Variants in CCDC91 observed in about 807,000 individuals in gnomAD.
CCDC91 encodes the protein coiled-coil domain containing 91.
In CCDC91, 48 loss-of-function variants were observed where a neutral mutation model predicts 63.2. The observed-to-expected ratio is 0.76, with a 90% CI of 0.60 to 0.97. CCDC91 has a LOEUF of 0.97. CCDC91 is among the 50% of genes least tolerant of loss of function. CCDC91 has a pLI of 0.00. For synonymous variants in CCDC91, 167 were observed against 165.8 expected, an observed-to-expected ratio of 1.01 and a Z score of -0.06; for missense variants, 500 against 494.6, an observed-to-expected ratio of 1.01 and a Z score of -0.10.
chr12:28,519,024 A>G (rs769244362), intron 12 of CCDC91, among the ~76,000 whole-genome samples: 2 of 151,726 alleles, frequency 1.3e-5, no homozygotes, highest in African/African-American at 2.4e-5. Context: ...CTTTGGCTAT[A>G]CAGGCTCTTT....
intron 6 of CCDC91, among the ~76,000 whole-genome samples, chr12:28,354,825 G>A (rs73083992): frequency 0.013 from 1,949 of 152,164 alleles, 13 homozygotes; most frequent in Middle Eastern, 0.017. Context: ...TGATCGGGAC[G>A]TTTGTAGATT....
chr12:28,374,297 A>C (rs2138903371), intron 7 of CCDC91, among the ~76,000 whole-genome samples: 1 of 152,288 alleles, frequency 6.6e-6, no homozygotes, highest in Non-Finnish European at 1.5e-5. Flanking sequence ...CATTGACAAA[A>C]GTTGAGGGTT....
At chr12:28,547,995 C>T (rs1300467017) in intron 12 of CCDC91, among the ~76,000 whole-genome samples, 1 of 152,010 alleles carries the variant, frequency 6.6e-6, no homozygotes, top group Non-Finnish European at 1.5e-5. Flanking sequence ...GTTCTGTAAC[C>T]TATAGGGAAT....
chr12:28,402,520 A>ATTTTTTTTTTTTTTTTTT (rs57398967), intron 8 of CCDC91, among the ~76,000 whole-genome samples: 2 of 51,938 alleles, frequency 3.9e-5, no homozygotes, highest in African/African-American at 7.9e-5. Flanking sequence ...AGTTCCAGGA[A>ATTTTTTTTTTTTTTTTTT]TTTTTTTTTT....
chr12:28,451,376 A>G (rs1484627923), intron 10 of CCDC91, among the ~76,000 whole-genome samples: 1 of 151,762 alleles, frequency 6.6e-6, no homozygotes, highest in Middle Eastern at 3.4e-3. Flanking sequence ...GTCAACATAT[A>G]TGTTTGATGT....
chr12:28,245,004 C>A (rs569638129), intron 1 of CCDC91, among the ~76,000 whole-genome samples: 39 of 152,072 alleles, frequency 2.6e-4, no homozygotes, highest in Non-Finnish European at 5.1e-4. Context: ...ATCATAGATA[C>A]TATCATAGGT....
chr12:28,310,326 C>T (rs757147019), intron 6 of CCDC91, among the ~76,000 whole-genome samples: 2 of 151,966 alleles, frequency 1.3e-5, no homozygotes, highest in African/African-American at 4.8e-5. Context: ...ACGTATATCA[C>T]TTTGGGTTGT....
chr12:28,509,099 T>C (rs1939078405), intron 12 of CCDC91, among the ~76,000 whole-genome samples: 1 of 151,942 alleles, frequency 6.6e-6, no homozygotes, highest in South Asian at 2.1e-4. Context: ...GCTTTCTGTA[T>C]GCTTCCAGGA....
chr12:28,315,735 T>C (rs1939790945), intron 6 of CCDC91, among the ~76,000 whole-genome samples: 1 of 151,862 alleles, frequency 6.6e-6, no homozygotes, highest in Non-Finnish European at 1.5e-5. Flanking sequence ...TAAAGATATA[T>C]AGTGAAAAGT....
chr12:28,349,778 A>G (rs907117260), intron 6 of CCDC91, among the ~76,000 whole-genome samples: 17 of 152,074 alleles, frequency 1.1e-4, no homozygotes, highest in African/African-American at 3.6e-4. Context: ...TCTGTGCCTA[A>G]CGTTCCCAGT....
At chr12:28,503,836 C>G (rs1392552705) in intron 12 of CCDC91, among the ~76,000 whole-genome samples, 1 of 149,578 alleles carries the variant, frequency 6.7e-6, no homozygotes, top group Non-Finnish European at 1.5e-5. Flanking sequence ...ATCACAAGGA[C>G]AAAAAACCAA....
intron 1 of CCDC91, among the ~76,000 whole-genome samples, chr12:28,250,250 G>A (rs1946032849): frequency 6.6e-6 from 1 of 152,122 alleles, no homozygotes. Context: ...AGACTTAATT[G>A]ATAACAGATG....
chr12:28,216,267 A>C (rs894377002), intron 1 of CCDC91, among the ~76,000 whole-genome samples: 1 of 152,046 alleles, frequency 6.6e-6, no homozygotes, highest in African/African-American at 2.4e-5. Flanking sequence ...CTCTCACTAG[A>C]ATCCTTTCTC....
chr12:28,445,362 C>T (rs1949445249), intron 8 of CCDC91, among the ~76,000 whole-genome samples: 1 of 151,956 alleles, frequency 6.6e-6, no homozygotes, highest in South Asian at 2.1e-4. Flanking sequence ...TATAAGGGAC[C>T]GAAACAAAAC....
chr12:28,267,929 TA>T (rs368374863), intron 3 of CCDC91, among the ~76,000 whole-genome samples: 7 of 84,926 alleles, frequency 8.2e-5, no homozygotes, highest in East Asian at 2.5e-4. Flanking sequence ...ATTATAATTA[TA>T]TATAATTATA....
intron 12 of CCDC91, among the ~76,000 whole-genome samples, chr12:28,498,578 G>C (rs1952441795): frequency 6.6e-6 from 1 of 151,630 alleles, no homozygotes; most frequent in African/African-American, 2.4e-5. Flanking sequence ...TTCTCCCACA[G>C]AGGTGAGGAA....
At chr12:28,540,898 A>G (rs372705624) in intron 12 of CCDC91, among the ~76,000 whole-genome samples, 27 of 152,236 alleles carry the variant, frequency 1.8e-4, no homozygotes, top group East Asian at 1.4e-3. Flanking sequence ...AGAGGCTCAC[A>G]TGGGCTAGAT....
chr12:28,232,056 C>G (rs979797026), intron 1 of CCDC91, among the ~76,000 whole-genome samples: 4 of 152,148 alleles, frequency 2.6e-5, no homozygotes, highest in African/African-American at 9.7e-5. Context: ...CTGCCAGGTA[C>G]ATTGATGTCA....
intron 8 of CCDC91, among the ~76,000 whole-genome samples, chr12:28,407,755 T>G (rs574159433): frequency 6.6e-6 from 1 of 152,210 alleles, no homozygotes; most frequent in East Asian, 1.9e-4. Flanking sequence ...TAGGTCTTCC[T>G]TAATTTCCCT....
Sources: allele counts gnomAD v4.1 joint callset (sites outside exome capture counted in the v4.1 genomes callset), GRCh38; gene constraint gnomAD v4.1.1; transcripts MANE v1.5; gene names NCBI Gene and HGNC (gene_info 2026-07-23, HGNC 2026-07-21).